ZMAT5: variants seen among roughly 807,000 people sequenced by gnomAD.
ZMAT5 encodes the protein zinc finger matrin-type 5.
ZMAT5 carries 23 observed loss-of-function variants against 28.0 expected under a neutral mutation model. That is an observed-to-expected ratio of 0.82 (90% CI 0.59 to 1.16). ZMAT5 has a LOEUF of 1.16. Ranked by LOEUF, ZMAT5 falls within the 50% of genes most tolerant of loss-of-function variation. The pLI is 0.00. For synonymous variants in ZMAT5, 76 were observed against 84.1 expected, an observed-to-expected ratio of 0.90 and a Z score of 0.52; for missense variants, 173 against 212.7, an observed-to-expected ratio of 0.81 and a Z score of 1.16.
intron 2 of ZMAT5, among the ~76,000 whole-genome samples, chr22:29,743,750 A>G (rs1167860724): frequency 1.3e-5 from 2 of 152,168 alleles, no homozygotes; most frequent in African/African-American, 4.8e-5. Flanking sequence ...CTTTCATCAT[A>G]TAGGTATGGT....
rs756366369 is a variant in ZMAT5 at position 29,740,704 on chromosome 22, T to A, written c.217A>T (p.Arg73Ter). The change falls in exon 4 of 6, where the codon AGA becomes TGA. Residue 73 changes from arginine to a stop codon, truncating the protein, a stop_gained. Transcript: ENST00000344318. LOFTEE classifies it high-confidence loss of function. ...TGQCDFGSNC[R>*]FSHMSERDLQ... ...TCTCGCTCTGACATGTGGGAAAATC[T>A]GCAGTTGGAGCCAAAGTCGCACTGG... is the stretch of plus-strand genomic sequence containing the variant. 1.9e-6 allele frequency: 3 copies of A among 1,603,864 alleles called. No homozygotes were observed. Among genetic ancestry groups the A allele is most frequent in the Non-Finnish European group, 2.6e-6 (3 of 1,175,548 alleles).
At chr22:29,765,094 C>T (rs961025556) in intron 1 of ZMAT5, among the ~76,000 whole-genome samples, 3 of 152,106 alleles carry the variant, frequency 2.0e-5, no homozygotes, top group Non-Finnish European at 4.4e-5. Context: ...AACTTAAGAT[C>T]ATTCTGTTGA....
intron 2 of ZMAT5, among the ~76,000 whole-genome samples, chr22:29,743,370 C>G (rs2067981617): frequency 6.6e-6 from 1 of 152,118 alleles, no homozygotes. Context: ...GACAATCACT[C>G]TGTAGCATCG....
chr22:29,756,393 C>A (rs1324698151), intron 1 of ZMAT5, among the ~76,000 whole-genome samples: 1 of 152,176 alleles, frequency 6.6e-6, no homozygotes, highest in African/African-American at 2.4e-5. Context: ...ACCGAACCCC[C>A]GTATGCTAGA....
intron 1 of ZMAT5, among the ~76,000 whole-genome samples, chr22:29,749,236 C>T (rs2068036297): frequency 6.6e-6 from 1 of 152,042 alleles, no homozygotes; most frequent in South Asian, 2.1e-4. Flanking sequence ...TGTCATCATT[C>T]CTAACTTAAA....
chr22:29,745,201 CG>C (rs780126813), intron 2 of ZMAT5, among the ~76,000 whole-genome samples: 5 of 152,094 alleles, frequency 3.3e-5, no homozygotes, highest in Non-Finnish European at 7.4e-5. Flanking sequence ...TTCTAGGGGT[CG>C]GGGAGGACGT....
rs2068167833 is a variant in ZMAT5, at chr22:29,762,532, A to G, written c.-28+4340T>C. 2.0e-5 allele frequency among the ~76,000 whole-genome samples: 3 copies of G among 152,320 alleles called. No individual in the cohort carries two copies. The East Asian group carries it at 5.8e-4, about 29-fold the overall frequency. ...AGCATTAGATTCTCATAGGAGCACG[A>G]ATCCTATTGTGAACTGCGCATGCGA... On this transcript the variant is annotated intron_variant, in intron 1 of 5. Coordinates refer to ENST00000344318, the MANE Select transcript of ZMAT5 (RefSeq NM_001003692.2).
At chr22:29,765,417 A>AAAAAAAC (rs958480821) in intron 1 of ZMAT5, among the ~76,000 whole-genome samples, 1 of 151,966 alleles carries the variant, frequency 6.6e-6, no homozygotes, top group Non-Finnish European at 1.5e-5. Context: ...TCTGTCTCAA[A>AAAAAAAC]AAAAAACAAA....
intron 1 of ZMAT5, among the ~76,000 whole-genome samples, chr22:29,754,697 C>G (rs975266768): frequency 6.6e-6 from 1 of 151,860 alleles, no homozygotes; most frequent in African/African-American, 2.4e-5. Context: ...ATGGGCAGAC[C>G]CCATTTCTAC....
At chr22:29,766,461 G>A (rs1347611812) in intron 1 of ZMAT5, among the ~76,000 whole-genome samples, 2 of 152,206 alleles carry the variant, frequency 1.3e-5, no homozygotes, top group Admixed American at 1.3e-4. Context: ...TAGATTGAGC[G>A]CTCTGTGAGA....
chr22:29,738,321 G>T lies in ZMAT5; in HGVS notation c.383+9C>A. ...GGGCACAGCGGGAGGGAACCCTGGG[G>T]ACCTGTACCTGCTACTTGGGGCTGA... On this transcript the variant is annotated intron_variant, in intron 5 of 5. Coordinates refer to ENST00000344318, the MANE Select transcript of ZMAT5 (RefSeq NM_001003692.2). 1.2e-6 allele frequency: 2 copies of T among 1,607,574 alleles called. No homozygotes were observed. The highest frequency in any genetic ancestry group is 1.7e-6 in the Non-Finnish European group (2 of 1,179,270).
intron 5 of ZMAT5, among the ~76,000 whole-genome samples, chr22:29,736,277 T>C (rs2067903108): frequency 6.6e-6 from 1 of 152,164 alleles, no homozygotes; most frequent in South Asian, 2.1e-4. Context: ...ATAGAACCCC[T>C]TTAGACGGGA....
intron 1 of ZMAT5, among the ~76,000 whole-genome samples, chr22:29,763,119 C>A (rs1008117516): frequency 6.6e-6 from 1 of 151,880 alleles, no homozygotes; most frequent in South Asian, 2.1e-4. Context: ...ATGGTGAAAA[C>A]CCATCTGTAC....
At chr22:29,761,877 C>T (rs2068160870) in intron 1 of ZMAT5, among the ~76,000 whole-genome samples, 1 of 152,142 alleles carries the variant, frequency 6.6e-6, no homozygotes, top group Non-Finnish European at 1.5e-5. Context: ...ACCTGGGGTG[C>T]TGTAAAGGTT....
chr22:29,760,205 A>C (rs2068143530), intron 1 of ZMAT5, among the ~76,000 whole-genome samples: 1 of 151,600 alleles, frequency 6.6e-6, no homozygotes, highest in Non-Finnish European at 1.5e-5. Flanking sequence ...CGTCTCAAAA[A>C]ATAAAAAAAT....
Position 29,742,443 on chromosome 22 carries a change from C to G in ZMAT5, c.165G>C (p.Arg55=), listed in dbSNP as rs769321623. Residue 55 remains arginine (R), a synonymous_variant, in exon 3 of 6, where the codon CGG becomes CGC. Transcript: ENST00000344318. ...CTGTCAGTAGAAACTTCCTGCAGGG[C>G]CGCTTGTTCTGCTCATCCAGCAAGA... is the stretch of plus-strand genomic sequence containing the variant. ...AAILLDEQNK[R]PCRKFLLTGQ... 1 of 1,613,292 alleles carries G rather than the reference C, an allele frequency of 6.2e-7. No homozygotes were observed. Among genetic ancestry groups the G allele is most frequent in the Non-Finnish European group, 8.5e-7 (1 of 1,179,940 alleles).
intron 5 of ZMAT5, chr22:29,731,985 A>T (rs915643466): frequency 4.6e-5 from 7 of 152,046 alleles, no homozygotes; most frequent in Non-Finnish European, 1.0e-4. Flanking sequence ...CATGCTACTC[A>T]CTGTCCTCCT....
intron 1 of ZMAT5, among the ~76,000 whole-genome samples, chr22:29,751,484 G>A (rs963773401): frequency 6.6e-6 from 1 of 152,158 alleles, no homozygotes; most frequent in African/African-American, 2.4e-5. Flanking sequence ...TACCTACTAC[G>A]TGCTGGCACT....
At position 29,740,504 on chromosome 22, in the gene ZMAT5, G is replaced by A. The variant is rs755024168; in HGVS notation, c.271+146C>T. 6.9e-5 allele frequency: 53 copies of A among 772,956 alleles called. No individual in the cohort carries two copies. In the East Asian group the frequency reaches 9.0e-4, roughly 13 times the overall value. 47.9% of individuals were successfully genotyped at this position (772,956 alleles called of 1,614,324 possible). ...CTGTTCCTAACACCTGGCCCAAACCGGGGGCTCAGGGCTCCGCATCACCCT... is the reference window on the plus strand; with the variant it reads ...CTGTTCCTAACACCTGGCCCAAACCAGGGGCTCAGGGCTCCGCATCACCCT... On this transcript the variant is annotated intron_variant, in intron 4 of 5. Transcript: ENST00000344318.
Sources: allele counts gnomAD v4.1 joint callset (sites outside exome capture counted in the v4.1 genomes callset), GRCh38; gene constraint gnomAD v4.1.1; transcripts MANE v1.5; gene names NCBI Gene and HGNC (gene_info 2026-07-23, HGNC 2026-07-21).